DUSP16: variants seen among roughly 807,000 people sequenced by gnomAD.
DUSP16 encodes dual specificity phosphatase 16.
Under a neutral mutation model 58.3 loss-of-function variants are expected in DUSP16, and 21 were observed. The observed-to-expected ratio is 0.36, with a 90% CI of 0.26 to 0.52. The LOEUF (loss-of-function observed/expected upper bound fraction) is 0.52. Ranked by LOEUF, DUSP16 falls within the 20% of genes least tolerant of loss-of-function variation. The pLI is 0.94. For synonymous variants in DUSP16, 320 were observed against 323.8 expected (o/e 0.99, Z 0.12); for missense variants, 726 against 819.0 (o/e 0.89, Z 1.39).
At chr12:12,504,270 CTCT>C (rs1342710078) in intron 3 of DUSP16, among the ~76,000 whole-genome samples, 3 of 151,982 alleles carry the variant, frequency 2.0e-5, no homozygotes, top group Non-Finnish European at 2.9e-5. Flanking sequence ...TTTGGTGTTT[CTCT>C]TTTTTTTCTT....
chr12:12,521,245 AT>A lies in DUSP16; in HGVS notation c.-148del. The A allele has an allele frequency of 3.4e-6, 5 of 1,450,624 alleles. No individual in the cohort carries two copies. The highest frequency in any genetic ancestry group is 1.4e-5 in the African/African-American group (1 of 70,302). 89.9% of individuals were successfully genotyped at this position (1,450,624 alleles called of 1,614,324 possible). On this transcript the variant is annotated 5_prime_UTR_variant, in exon 2 of 7. In the 5' UTR this introduces an upstream ATG that the reference lacks. Coordinates refer to ENST00000298573, the MANE Select transcript of DUSP16 (RefSeq NM_030640.3). The stretch of plus-strand genomic sequence containing the variant: ...GACTGGCAAAAGGAGAGTTAAACCC[AT>A]TTTCAGCAAGAGCCCTCCAAGTGAA...
At chr12:12,489,677 G>A (rs1272013710) in intron 4 of DUSP16, among the ~76,000 whole-genome samples, 2 of 152,166 alleles carry the variant, frequency 1.3e-5, no homozygotes, top group Non-Finnish European at 2.9e-5. Context: ...AAGACAACAG[G>A]AAATTCTAAG....
At chr12:12,497,667 T>A (rs1272530419) in intron 4 of DUSP16, among the ~76,000 whole-genome samples, 25 of 145,640 alleles carry the variant, frequency 1.7e-4, no homozygotes, top group African/African-American at 4.1e-4. Context: ...GCACTTCATT[T>A]AAAAAAAAAA....
rs1943392602 is a variant in DUSP16, at chr12:12,474,839, T to C, written c.*1994A>G. ...AACTGTTACACATTTGGTGTGTGTG[T>C]ACATAACATCAAAAACTACTGTGTG... On this transcript the variant is annotated 3_prime_UTR_variant, in exon 7 of 7. Transcript: ENST00000298573. 1 of 152,238 alleles carries C rather than the reference T, an allele frequency of 6.6e-6. No homozygotes were observed. 9.4% of individuals were successfully genotyped at this position (152,238 alleles called of 1,614,324 possible).
At chr12:12,492,410 C>T (rs1193065179) in intron 4 of DUSP16, among the ~76,000 whole-genome samples, 1 of 152,148 alleles carries the variant, frequency 6.6e-6, no homozygotes, top group African/African-American at 2.4e-5. Context: ...ATAATGCCTT[C>T]CCACCTGCTG....
At chr12:12,543,127 T>C (rs1278297739) in intron 1 of DUSP16, among the ~76,000 whole-genome samples, 3 of 152,176 alleles carry the variant, frequency 2.0e-5, no homozygotes, top group Admixed American at 2.0e-4. Flanking sequence ...CCAAGCAAAC[T>C]AAGACTGTAC....
intron 1 of DUSP16, among the ~76,000 whole-genome samples, chr12:12,530,261 A>C (rs1944365527): frequency 6.6e-6 from 1 of 152,206 alleles, no homozygotes; most frequent in Non-Finnish European, 1.5e-5. Flanking sequence ...TCTGATGATG[A>C]GTGATGCTGA....
intron 2 of DUSP16, 150 bp from the exon 3 acceptor site, chr12:12,520,150 T>C: frequency 1.2e-6 from 1 of 844,374 alleles, no homozygotes; most frequent in South Asian, 1.8e-5. Context: ...GTAGTCAATT[T>C]ACGAGACAGA....
chr12:12,484,880 G>GGGATTAAA (rs1239257992), intron 5 of DUSP16, among the ~76,000 whole-genome samples: 1 of 152,150 alleles, frequency 6.6e-6, no homozygotes, highest in Non-Finnish European at 1.5e-5. Context: ...CCAAAGTGCT[G>GGGATTAAA]GGATTACAGG....
chr12:12,489,869 C>T (rs1432346200), intron 4 of DUSP16, among the ~76,000 whole-genome samples: 1 of 152,190 alleles, frequency 6.6e-6, no homozygotes, highest in Non-Finnish European at 1.5e-5. Flanking sequence ...CAATGACACA[C>T]GGTACTGATT....
chr12:12,506,041 A>G (rs544245900), intron 3 of DUSP16: 1 of 152,198 alleles, frequency 6.6e-6, no homozygotes, highest in African/African-American at 2.4e-5. Context: ...ACAATGTTCC[A>G]CTCTGCTGAC....
chr12:12,560,133 C>T (rs1203797288), intron 1 of DUSP16, among the ~76,000 whole-genome samples: 1 of 152,076 alleles, frequency 6.6e-6, no homozygotes. Context: ...CAGTTCTGTT[C>T]CTAGCCCCCT....
chr12:12,480,909 C>T (rs979433346), intron 5 of DUSP16, among the ~76,000 whole-genome samples: 2 of 151,884 alleles, frequency 1.3e-5, no homozygotes, highest in East Asian at 1.9e-4. Context: ...AGTGGAGTTG[C>T]GGTTTCACCA....
Position 12,521,289 on chromosome 12 carries a change from C to T in DUSP16, c.-191G>A, listed in dbSNP as rs996228363. The T allele has an allele frequency of 1.8e-5, 26 of 1,431,020 alleles. No individual in the cohort carries two copies. The highest frequency in any genetic ancestry group is 2.9e-5 in the Admixed American group (1 of 35,026). 88.6% of individuals were successfully genotyped at this position (1,431,020 alleles called of 1,614,324 possible). Reference sequence around the variant, plus strand: ...CAAGTGAATGTCTCTTTCTCTTTCCCGTTGATGTGCTCTTGCAAAGGACTC... The same window carrying T: ...CAAGTGAATGTCTCTTTCTCTTTCCTGTTGATGTGCTCTTGCAAAGGACTC... On this transcript the variant is annotated 5_prime_UTR_variant, in exon 2 of 7. Transcript: ENST00000298573.
intron 4 of DUSP16, among the ~76,000 whole-genome samples, chr12:12,494,844 A>G (rs530895578): frequency 1.6e-4 from 25 of 152,358 alleles, no homozygotes; most frequent in African/African-American, 5.3e-4. Context: ...ATCAAATGCC[A>G]TACTGAGAAG....
At chr12:12,504,651 A>G (rs963006832) in intron 3 of DUSP16, among the ~76,000 whole-genome samples, 14 of 151,224 alleles carry the variant, frequency 9.3e-5, no homozygotes, top group African/African-American at 3.4e-4. Flanking sequence ...TTTAAATTCA[A>G]CAAAACAGCT....
intron 4 of DUSP16, among the ~76,000 whole-genome samples, chr12:12,489,758 C>T (rs999787822): frequency 1.3e-5 from 2 of 152,190 alleles, no homozygotes; most frequent in Non-Finnish European, 2.9e-5. Context: ...ATGTACACTT[C>T]TGACAAGTAA....
chr12:12,506,076 CCATTCACTGACCTTT>C (rs1182489106), intron 3 of DUSP16: 1 of 152,160 alleles, frequency 6.6e-6, no homozygotes, highest in East Asian at 1.9e-4. Context: ...ACAGTTTTTT[CCATTCACTGACCTTT>C]CATTCACTGC....
chr12:12,501,537 T>C (rs565624931), intron 3 of DUSP16, among the ~76,000 whole-genome samples: 2 of 152,368 alleles, frequency 1.3e-5, no homozygotes, highest in Admixed American at 1.3e-4. Context: ...AGTAAGGTTA[T>C]TTGCTTTCCA....
Sources: gnomAD v4.1 joint callset for allele counts (sites outside exome capture counted in the v4.1 genomes callset) on GRCh38, gnomAD v4.1.1 for gene constraint, MANE v1.5 for transcripts, NCBI Gene and HGNC (gene_info 2026-07-23, HGNC 2026-07-21) for gene names.